Variants in ATP2A1 observed in about 807,000 individuals in gnomAD.
The protein encoded by ATP2A1 is ATPase sarcoplasmic/endoplasmic reticulum Ca2+ transporting 1.
In ATP2A1, 83 loss-of-function variants were observed where a neutral mutation model predicts 109.5. That is an observed-to-expected ratio of 0.76 (90% CI 0.63 to 0.91). The LOEUF (loss-of-function observed/expected upper bound fraction) is 0.91. Ranked by LOEUF, ATP2A1 falls within the 40% of genes least tolerant of loss-of-function variation. The pLI is 0.00. For missense variants in ATP2A1, 1,101 were observed against 1,341.0 expected, an observed-to-expected ratio of 0.82 and a Z score of 2.80; for synonymous variants, 505 against 537.6, an observed-to-expected ratio of 0.94 and a Z score of 0.84.
At chr16:28,897,288 G>A (rs9938226) in intron 12 of ATP2A1, among the ~76,000 whole-genome samples, 9,695 of 152,040 alleles carry the variant, frequency 0.064, 847 homozygotes, top group African/African-American at 0.19. Flanking sequence ...TTGAGGCCAC[G>A]AGTGAGACCA....
At chr16:28,900,002 GAC>G (rs955310214) in intron 14 of ATP2A1, among the ~76,000 whole-genome samples, 3 of 146,974 alleles carry the variant, frequency 2.0e-5, no homozygotes, top group Admixed American at 6.8e-5. Flanking sequence ...AAAAAGGAAA[GAC>G]ACGATTTGGG....
chr16:28,882,561 C>T lies in ATP2A1; in HGVS notation c.435C>T (p.Ile145=), dbSNP rs755237937. ...TGCAAAGGATCAAGGCTCGGGACAT[C>T]GTCCCTGGGGACATCGTGGAGGTGG... is the stretch of plus-strand genomic sequence containing the variant. The part of the protein sequence containing the change: ...KSVQRIKARD[I]VPGDIVEVAV... The change falls in exon 5 of 23, where the codon ATC becomes ATT. Residue 145 remains isoleucine, a synonymous_variant. Transcript: ENST00000395503. 3.7e-6 allele frequency: 6 copies of T among 1,614,080 alleles called. No individual in the cohort carries two copies. In the Admixed American group the frequency reaches 8.3e-5, roughly 22 times the overall value.
At position 28,900,814 on chromosome 16, in the gene ATP2A1, G is replaced by A. The variant is rs750021219; in HGVS notation, c.1998G>A (p.Gln666=). ...REFDDLPLAE[Q]REACRRACCF... ...TCGACGACCTGCCCCTGGCTGAACA[G>A]CGGGAAGCCTGCCGACGTGCCTGCT... Residue 666 remains glutamine, a synonymous_variant, in exon 15 of 23, where the codon CAG becomes CAA. Transcript: ENST00000395503. The A allele has an allele frequency of 1.9e-6, 3 of 1,614,230 alleles. No individual in the cohort carries two copies. Among genetic ancestry groups the A allele is most frequent in the Admixed American group, 3.3e-5 (2 of 60,028 alleles).
At chr16:28,894,421 C>A in intron 10 of ATP2A1, 84 bp from the exon 11 acceptor site, 1 of 1,397,154 alleles carries the variant, frequency 7.2e-7, no homozygotes, top group Non-Finnish European at 1.0e-6. Flanking sequence ...CCTCTGCTGC[C>A]TGCTCTTCCT....
chr16:28,878,861 C>T, intron 1 of ATP2A1, 72 bp downstream of exon 1: 4 of 1,497,166 alleles, frequency 2.7e-6, no homozygotes, highest in Non-Finnish European at 3.7e-6. Context: ...CACACGCATG[C>T]ACGCGTTTCT....
rs1555514443 is a variant in ATP2A1 at position 28,878,790 on chromosome 16, G to GT, written c.118+2dup. On this transcript the variant is annotated splice_donor_variant, in intron 1 of 22. Coordinates refer to ENST00000395503, the MANE Select transcript of ATP2A1 (RefSeq NM_004320.6). LOFTEE classifies it high-confidence loss of function. ...AATCTGGAGAAATACGGCCTCAATG[G>GT]TAAGTGTCCCTTGGAAGAGCGGCTG... The GT allele has an allele frequency of 1.2e-6, 2 of 1,613,892 alleles. No homozygotes were observed. The highest frequency in any genetic ancestry group is 8.5e-7 in the Non-Finnish European group (1 of 1,179,826).
Position 28,898,306 on chromosome 16 carries a change from C to T in ATP2A1, c.1619C>T (p.Pro540Leu), listed in dbSNP as rs114675305. ...VGTTRVPLTG[P>L]VKEKIMAVIK... ...ACCACCCGGGTGCCACTGACGGGGC[C>T]GGTGAAGGAAAAGATCATGGCGGTG... The change falls in exon 14 of 23, where the codon CCG becomes CTG. Residue 540 changes from proline (P) to leucine (L), a missense_variant. Physicochemically the swap from Pro to Leu is moderately conservative, Grantham distance 98. Transcript: ENST00000395503. This position sits in a 1 kb window ranked among gnomAD's most constrained non-coding sequence, Gnocchi z 4.0. The T allele has an allele frequency of 1.7e-3, 2,715 of 1,614,156 alleles. 37 individuals carry two copies. In the African/African-American group the frequency reaches 0.03, roughly 18 times the overall value.
Position 28,898,352 on chromosome 16 carries a change from C to A in ATP2A1, c.1665C>A (p.Gly555=). The A allele has an allele frequency of 6.2e-7, 1 of 1,614,186 alleles. No homozygotes were observed. The change falls in exon 14 of 23, where the codon GGC becomes GGA. Residue 555 remains glycine (G), a synonymous_variant. Transcript: ENST00000395503. The surrounding 1 kb of genome is among the most constrained non-coding windows in gnomAD (Gnocchi z 4.0). ...CGGTGATCAAGGAGTGGGGCACTGG[C>A]CGGGACACCCTGCGCTGCTTGGCCC... The part of the protein sequence containing the change: ...IMAVIKEWGT[G]RDTLRCLALA...
intron 9 of ATP2A1, among the ~76,000 whole-genome samples, chr16:28,891,150 G>A (rs576538504): frequency 6.6e-6 from 1 of 151,772 alleles, no homozygotes; most frequent in Non-Finnish European, 1.5e-5. Context: ...ACAAAAATTA[G>A]TTGGGCGTGT....
At position 28,898,975 on chromosome 16, in the gene ATP2A1, C is replaced by T. The variant is rs76017947; in HGVS notation, c.1764+524C>T. ...TCCAGCCTGCATGACAAGCAAGGCC[C>T]TGTCTCTAAAAACAAAAAACAAAAA... On this transcript the variant is annotated intron_variant, in intron 14 of 22. Coordinates refer to ENST00000395503, the MANE Select transcript of ATP2A1 (RefSeq NM_004320.6). The surrounding 1 kb of genome is among the most constrained non-coding windows in gnomAD (Gnocchi z 4.0). Among the ~76,000 whole-genome samples the T allele has an allele frequency of 4.5e-3, 687 of 151,812 alleles. 2 individuals are homozygous for T. Among genetic ancestry groups the T allele is most frequent in the Non-Finnish European group, 8.7e-3 (594 of 67,940 alleles).
chr16:28,903,956 C>T lies in ATP2A1; in HGVS notation c.*37+215C>T. The T allele has an allele frequency of 1.4e-6, 1 of 720,520 alleles. No individual in the cohort carries two copies. 44.6% of individuals were successfully genotyped at this position (720,520 alleles called of 1,614,324 possible). On this transcript the variant is annotated intron_variant, in intron 22 of 22. Coordinates refer to ENST00000395503, the MANE Select transcript of ATP2A1 (RefSeq NM_004320.6). The surrounding 1 kb of genome is among the most constrained non-coding windows in gnomAD (Gnocchi z 5.6). ...GCCCTGGGCAGTGCCAGCCTCTGGG[C>T]CCGTCTGCTGCGCTGCGTTGCGCTG... is the stretch of plus-strand genomic sequence containing the variant.
intron 14 of ATP2A1, among the ~76,000 whole-genome samples, chr16:28,899,317 C>G (rs1963999419): frequency 6.6e-6 from 1 of 152,190 alleles, no homozygotes; most frequent in Non-Finnish European, 1.5e-5. Context: ...GAAAGCAGTA[C>G]CTCACTTCCA....
chr16:28,894,195 T>A lies in ATP2A1; in HGVS notation c.1136T>A (p.Leu379Gln), dbSNP rs1596677553. The A allele has an allele frequency of 3.1e-6, 5 of 1,613,894 alleles. No homozygotes were observed. ...IDKVDGDICL[L>Q]NEFSITGSTY... is the part of the protein sequence containing the mutation. ...AAGGTGGATGGGGACATCTGCCTCC[T>A]GAATGAGTTCTCCATCACCGGCTCC... The change falls in exon 10 of 23, where the codon CTG (leucine) becomes CAG (glutamine). Residue 379 changes from leucine (L) to glutamine (Q), a missense_variant. Transcript: ENST00000395503.
Position 28,900,608 on chromosome 16 carries a change from G to A in ATP2A1, c.1792G>A (p.Gly598Ser), listed in dbSNP as rs1189272366. 1 of 1,579,190 alleles carries A rather than the reference G, an allele frequency of 6.3e-7. No individual in the cohort carries two copies. Among genetic ancestry groups the A allele is most frequent in the African/African-American group, 1.3e-5 (1 of 74,524 alleles). The change falls in exon 15 of 23, where the codon GGC becomes AGC. Residue 598 changes from glycine to serine, a missense_variant. Physicochemically the swap from Gly to Ser is moderately conservative, Grantham distance 56. Coordinates refer to ENST00000395503, the MANE Select transcript of ATP2A1 (RefSeq NM_004320.6). Reference protein sequence around the residue: ...ETDLTFVGVVGMLDPPRKEVT... With the variant: ...ETDLTFVGVVSMLDPPRKEVT... ...GGACCTGACATTCGTGGGTGTAGTGGGCATGCTGGACCCTCCGCGCAAGGA... is the reference window on the plus strand; with the variant it reads ...GGACCTGACATTCGTGGGTGTAGTGAGCATGCTGGACCCTCCGCGCAAGGA...
At position 28,878,509 on chromosome 16, in the gene ATP2A1, G is replaced by A. The variant is rs1963338404; in HGVS notation, c.-163G>A. ...GGGTGGCCGGCTGCTCAAGTGGGAC[G>A]GGGGTCAGAGCTTTGTGGAGGGAAG... On this transcript the variant is annotated 5_prime_UTR_variant, in exon 1 of 23. Coordinates refer to ENST00000395503, the MANE Select transcript of ATP2A1 (RefSeq NM_004320.6). 1 of 706,532 alleles carries A rather than the reference G, an allele frequency of 1.4e-6. No individual in the cohort carries two copies. The highest frequency in any genetic ancestry group is 2.2e-5 in the Admixed American group (1 of 45,768). The allele number at this position is 706,532 out of a possible 1,614,324, so 43.8% of individuals were successfully genotyped here.
chr16:28,899,647 GCC>G (rs1373771764), intron 14 of ATP2A1, among the ~76,000 whole-genome samples: 4 of 11,688 alleles, frequency 3.4e-4, no homozygotes, highest in African/African-American at 1.7e-3. Flanking sequence ...CCCTGCGCCC[GCC>G]CCCCCCCCCC....
chr16:28,886,682 C>T (rs376853551), intron 6 of ATP2A1, among the ~76,000 whole-genome samples: 5 of 151,790 alleles, frequency 3.3e-5, no homozygotes, highest in African/African-American at 9.7e-5. Flanking sequence ...GGGCTTGGGT[C>T]GAGGTCTTTT....
chr16:28,903,987 G>A lies in ATP2A1; in HGVS notation c.*38-193G>A, dbSNP rs553496291. Among the ~76,000 whole-genome samples the A allele has an allele frequency of 5.3e-5, 8 of 151,760 alleles. No homozygotes were observed. The highest frequency in any genetic ancestry group is 1.2e-4 in the Non-Finnish European group (8 of 67,934). ...TGCTGCGCTGCGTTGCGCTGGCTGT[G>A]TGCTGGGCTGTCTTTGCTGTGGGGC... On this transcript the variant is annotated intron_variant, in intron 22 of 22. Transcript: ENST00000395503. This position sits in a 1 kb window ranked among gnomAD's most constrained non-coding sequence, Gnocchi z 5.6.
intron 2 of ATP2A1, 154 bp downstream of exon 2, chr16:28,879,270 A>G (rs1963378693): frequency 9.4e-7 from 1 of 1,062,002 alleles, no homozygotes; most frequent in Non-Finnish European, 1.4e-6. Context: ...TGTCCGGGGC[A>G]GAAGTCTCCC....
Sources: allele counts gnomAD v4.1 joint callset (sites outside exome capture counted in the v4.1 genomes callset), GRCh38; gene constraint gnomAD v4.1.1; non-coding constraint Gnocchi (gnomAD v3.1); transcripts MANE v1.5; gene names NCBI Gene and HGNC (gene_info 2026-07-23, HGNC 2026-07-21).